Variants in CTBP2 observed in about 807,000 individuals in gnomAD.
The protein encoded by CTBP2 is C-terminal-binding protein 2.
CTBP2 carries 30 observed loss-of-function variants against 80.3 expected under a neutral mutation model. The ratio of observed to expected loss-of-function variants is 0.37; its 90% CI spans 0.28 to 0.51. The LOEUF (loss-of-function observed/expected upper bound fraction) is 0.51. Among genes scored for constraint, CTBP2 ranks in the 20% least tolerant of loss-of-function variants. The pLI, the probability that CTBP2 is intolerant of heterozygous loss-of-function variation, is 0.93. For missense variants in CTBP2, 1,212 were observed against 1,375.3 expected, an observed-to-expected ratio of 0.88 and a Z score of 1.88; for synonymous variants, 594 against 587.4, an observed-to-expected ratio of 1.01 and a Z score of -0.16.
chr10:125,099,072 A>G (rs372736727), intron 2 of CTBP2, among the ~76,000 whole-genome samples: 2 of 152,334 alleles, frequency 1.3e-5, no homozygotes, highest in East Asian at 3.9e-4. Flanking sequence ...AAGCCATCAT[A>G]CTAGCACACG....
At position 125,145,798 on chromosome 10, in the gene CTBP2, T is replaced by C. The variant is rs188163904; in HGVS notation, c.-206+14521A>G. ...TGTGCACACTCTCCAGGATTTGCAA[T>C]TGAAGAATATGACATTCTGGCCCCA... is the stretch of plus-strand genomic sequence containing the variant. On this transcript the variant is annotated intron_variant, in intron 1 of 10. Coordinates refer to the CTBP2 transcript ENST00000337195. Among the ~76,000 whole-genome samples the C allele has an allele frequency of 6.0e-4, 91 of 152,284 alleles. 1 individual carries two copies. In the East Asian group the frequency reaches 0.016, roughly 27 times the overall value.
At chr10:125,010,896 G>A (rs2134397086) in intron 1 of CTBP2, among the ~76,000 whole-genome samples, 1 of 152,280 alleles carries the variant, frequency 6.6e-6, no homozygotes, top group African/African-American at 2.4e-5. Flanking sequence ...CAACCAGGTA[G>A]GAAAAAGCTC....
intron 2 of CTBP2, among the ~76,000 whole-genome samples, chr10:125,043,529 C>G (rs1489806276): frequency 6.6e-6 from 1 of 152,200 alleles, no homozygotes; most frequent in Non-Finnish European, 1.5e-5. Flanking sequence ...CTCCGCCTCC[C>G]AGGTTCACGC....
chr10:125,005,681 T>A (rs764139081), intron 1 of CTBP2: 9 of 1,612,934 alleles, frequency 5.6e-6, no homozygotes, highest in Non-Finnish European at 7.6e-6. Context: ...CCTGGGCTCC[T>A]GTTTTCTGCT....
intron 2 of CTBP2, among the ~76,000 whole-genome samples, chr10:125,083,331 C>T (rs144965878): frequency 1.5e-3 from 224 of 152,252 alleles, no homozygotes; most frequent in African/African-American, 5.0e-3. Flanking sequence ...GTCTCCCTGT[C>T]GTGCCAGATG....
intron 2 of CTBP2, among the ~76,000 whole-genome samples, chr10:125,102,589 T>C (rs1850800974): frequency 6.6e-6 from 1 of 152,200 alleles, no homozygotes. Flanking sequence ...CCCTGTGTCA[T>C]GGTTTAGAGG....
chr10:125,055,285 C>T (rs750793017), intron 2 of CTBP2, among the ~76,000 whole-genome samples: 17 of 152,200 alleles, frequency 1.1e-4, no homozygotes, highest in Non-Finnish European at 2.2e-4. Flanking sequence ...GCTTCTGAGA[C>T]AGGGAACACC....
chr10:125,116,895 C>CA (rs1335503540), intron 1 of CTBP2, among the ~76,000 whole-genome samples: 2 of 152,252 alleles, frequency 1.3e-5, no homozygotes, highest in African/African-American at 4.8e-5. Context: ...TGCCCCAAAA[C>CA]TGACCTGCCT....
intron 1 of CTBP2, among the ~76,000 whole-genome samples, chr10:125,151,812 C>A (rs1859950421): frequency 2.0e-5 from 3 of 152,274 alleles, no homozygotes; most frequent in Admixed American, 2.0e-4. Flanking sequence ...GGCCGGCGAC[C>A]CTGCTGGCTT....
intron 1 of CTBP2, among the ~76,000 whole-genome samples, chr10:125,127,039 CTT>C (rs1350130011): frequency 1.3e-5 from 2 of 152,180 alleles, no homozygotes; most frequent in Non-Finnish European, 2.9e-5. Flanking sequence ...TGAGACATAA[CTT>C]TGTCCTCAAG....
chr10:125,049,284 C>T (rs1189142767), intron 2 of CTBP2, among the ~76,000 whole-genome samples: 1 of 152,220 alleles, frequency 6.6e-6, no homozygotes, highest in Admixed American at 6.5e-5. Context: ...CGTCACAGGA[C>T]ACTCTTTCTT....
chr10:125,014,131 C>T (rs1337007197), intron 1 of CTBP2, among the ~76,000 whole-genome samples: 3 of 152,156 alleles, frequency 2.0e-5, no homozygotes, highest in Non-Finnish European at 2.9e-5. Flanking sequence ...CAAGCAAGAC[C>T]GAGACGCCAC....
intron 1 of CTBP2, among the ~76,000 whole-genome samples, chr10:125,151,861 G>C (rs1476716175): frequency 2.0e-5 from 3 of 152,180 alleles, no homozygotes; most frequent in African/African-American, 7.2e-5. Context: ...CCCCGGGTCC[G>C]AGCGGCCCCG....
At chr10:125,049,987 A>C (rs561003509) in intron 2 of CTBP2, among the ~76,000 whole-genome samples, 1 of 152,226 alleles carries the variant, frequency 6.6e-6, no homozygotes, top group African/African-American at 2.4e-5. Context: ...TTAGGACACC[A>C]GTAGTTTGGG....
chr10:125,081,499 G>C (rs368435156), intron 2 of CTBP2, among the ~76,000 whole-genome samples: 20 of 152,252 alleles, frequency 1.3e-4, no homozygotes, highest in African/African-American at 4.1e-4. Context: ...ATATCTCAGA[G>C]GGATCTGAAG....
At chr10:125,160,999 T>G (rs2133563708), upstream of CTBP2, 1 of 144,492 alleles carries the variant, frequency 6.9e-6, no homozygotes, top group South Asian at 2.4e-4. Flanking sequence ...CGGTACCCGC[T>G]GGCTGCGCAG....
Position 124,986,508 on chromosome 10 carries a change from G to C in CTBP2, c.*3010C>G, listed in dbSNP as rs2134017575. 1 of 152,220 alleles carries C rather than the reference G, an allele frequency of 6.6e-6. No individual in the cohort carries two copies. Among genetic ancestry groups the C allele is most frequent in the East Asian group, 1.9e-4 (1 of 5,190 alleles). 9.4% of individuals were successfully genotyped at this position (152,220 alleles called of 1,614,324 possible). A position where few individuals can be genotyped will look rare whatever the true frequency, so the allele number is the denominator to read the frequency against. On this transcript the variant is annotated 3_prime_UTR_variant, in exon 9 of 9. Transcript: ENST00000309035. ...TTTCCCCCCGAAAACTCAGTAAAAAGGTGTTCCCAGGATGAAAAGATCATT... is the reference window on the plus strand; with the variant it reads ...TTTCCCCCCGAAAACTCAGTAAAAACGTGTTCCCAGGATGAAAAGATCATT...
intron 1 of CTBP2, among the ~76,000 whole-genome samples, chr10:125,013,169 G>A (rs1956116946): frequency 6.6e-6 from 1 of 152,160 alleles, no homozygotes; most frequent in Non-Finnish European, 1.5e-5. Context: ...TTGTGAGGTG[G>A]TCTGGAGCCT....
intron 2 of CTBP2, among the ~76,000 whole-genome samples, chr10:125,096,092 T>C (rs1849505401): frequency 6.6e-6 from 1 of 152,210 alleles, no homozygotes; most frequent in Non-Finnish European, 1.5e-5. Flanking sequence ...GGTTATTCTT[T>C]TGTCCCCTTT....
Sources: allele counts gnomAD v4.1 joint callset (sites outside exome capture counted in the v4.1 genomes callset), GRCh38; gene constraint gnomAD v4.1.1; transcripts MANE v1.5; gene names NCBI Gene and HGNC (gene_info 2026-07-23, HGNC 2026-07-21).